CCDC30: variants seen among roughly 807,000 people sequenced by gnomAD.
The protein encoded by CCDC30 is coiled-coil domain-containing protein 30.
In CCDC30, 70 loss-of-function variants were observed where a neutral mutation model predicts 100.2. That is an observed-to-expected ratio of 0.70 (90% CI 0.58 to 0.85). The LOEUF (loss-of-function observed/expected upper bound fraction) is 0.85. Ranked by LOEUF, CCDC30 falls within the 40% of genes least tolerant of loss-of-function variation. The probability of loss-of-function intolerance (pLI) is 0.00; values close to 1 mark genes in which losing one functional copy is unlikely to be tolerated. For synonymous variants in CCDC30, 233 were observed against 269.5 expected (o/e 0.86, Z 1.33); for missense variants, 652 against 771.2 (o/e 0.85, Z 1.83).
intron 6 of CCDC30, among the ~76,000 whole-genome samples, chr1:42,557,290 T>C (rs532190691): frequency 4.6e-5 from 7 of 152,308 alleles, no homozygotes; most frequent in Non-Finnish European, 1.0e-4. Context: ...GGAAAATATT[T>C]ACCTGAAAGG....
chr1:42,568,488 A>G (rs2148568395), intron 7 of CCDC30, among the ~76,000 whole-genome samples: 1 of 152,328 alleles, frequency 6.6e-6, no homozygotes, highest in South Asian at 2.1e-4. Flanking sequence ...AAACTGTTCA[A>G]GATTGCAAAG....
intron 6 of CCDC30, 167 bp downstream of exon 7, chr1:42,536,768 T>A: frequency 1.8e-6 from 1 of 556,572 alleles, no homozygotes; most frequent in South Asian, 2.6e-5. Flanking sequence ...CTCACAGTTA[T>A]GGAGGAGGGG....
chr1:42,656,937 A>G (rs1570370152), downstream of CCDC30, among the ~76,000 whole-genome samples: 1 of 152,232 alleles, frequency 6.6e-6, no homozygotes, highest in East Asian at 1.9e-4. Context: ...GATTTATTCT[A>G]AAACAGTTGG....
chr1:42,598,335 A>G (rs1053451039), intron 10 of CCDC30, among the ~76,000 whole-genome samples: 6 of 150,594 alleles, frequency 4.0e-5, no homozygotes, highest in Non-Finnish European at 5.9e-5. Flanking sequence ...TGGGCAACAT[A>G]GTGATAACCT....
chr1:42,611,619 A>C (rs931312746), intron 11 of CCDC30, among the ~76,000 whole-genome samples: 4 of 149,648 alleles, frequency 2.7e-5, no homozygotes, highest in African/African-American at 7.3e-5. Context: ...GTAAAATGAC[A>C]TTTGGTTTTT....
Position 42,611,894 on chromosome 1 carries a change from A to G in CCDC30, c.1277+804A>G, listed in dbSNP as rs116383950. ...GGGTCTCACTATGTTGCCTCAAGTG[A>G]TCCTCCTTCCTTGGCCTCCCAAAAT... On this transcript the variant is annotated intron_variant, in intron 11 of 16. Coordinates refer to ENST00000668663, the Ensembl canonical transcript of CCDC30. 8.3e-3 allele frequency among the ~76,000 whole-genome samples: 1,266 copies of G among 152,092 alleles called. 11 individuals carry two copies. Among genetic ancestry groups the G allele is most frequent in the Non-Finnish European group, 0.013 (909 of 67,994 alleles).
chr1:42,565,591 G>A (rs1645588675), intron 6 of CCDC30, among the ~76,000 whole-genome samples: 1 of 152,194 alleles, frequency 6.6e-6, no homozygotes, highest in Non-Finnish European at 1.5e-5. Context: ...GGGTGGGAAT[G>A]TAAATTAGTA....
At chr1:42,546,421 T>A (rs868606235) in intron 6 of CCDC30, among the ~76,000 whole-genome samples, 46,132 of 91,280 alleles carry the variant, frequency 0.51, 13,907 homozygotes, top group Admixed American at 0.56. Flanking sequence ...TATATATATA[T>A]ATATATATAT....
intron 9 of CCDC30, among the ~76,000 whole-genome samples, chr1:42,583,991 T>C (rs952488590): frequency 1.3e-5 from 2 of 152,056 alleles, no homozygotes; most frequent in African/African-American, 4.8e-5. Context: ...GCCCAGGAGA[T>C]GGAAAAGGTG....
chr1:42,584,623 G>T (rs953857466), intron 9 of CCDC30, among the ~76,000 whole-genome samples: 1 of 152,006 alleles, frequency 6.6e-6, no homozygotes, highest in African/African-American at 2.4e-5. Context: ...AGAAAGTTTC[G>T]CTGTTATTAT....
chr1:42,579,325 C>T (rs573694710), intron 8 of CCDC30, among the ~76,000 whole-genome samples: 115 of 151,328 alleles, frequency 7.6e-4, no homozygotes, highest in Non-Finnish European at 1.1e-3. Context: ...AGAGGCGAGG[C>T]GAGGCAAGTG....
In CCDC30 at chr1:42,611,170, G is replaced by T. The variant is rs947066354; in HGVS notation, c.1277+80G>T. The T allele has an allele frequency of 4.5e-5, 35 of 784,012 alleles. No homozygotes were observed. In the East Asian group the frequency reaches 9.4e-4, roughly 21 times the overall value. The allele number at this position is 784,012 out of a possible 1,614,324, so 48.6% of individuals were successfully genotyped here. On this transcript the variant is annotated intron_variant, in intron 11 of 16. Transcript: ENST00000668663. ...GCTGAGCAGGCTCTAGGGCTAAATG[G>T]TGGGCTGCTCACTGAAGCAACCTTT...
At chr1:42,477,933 G>C (rs564853273) in intron 1 of CCDC30, among the ~76,000 whole-genome samples, 1 of 152,312 alleles carries the variant, frequency 6.6e-6, no homozygotes, top group East Asian at 1.9e-4. Context: ...GAACAGAGTT[G>C]ATAATACATA....
At chr1:42,552,941 G>A (rs564024716) in intron 6 of CCDC30, among the ~76,000 whole-genome samples, 9 of 152,172 alleles carry the variant, frequency 5.9e-5, no homozygotes, top group African/African-American at 2.2e-4. Flanking sequence ...ATTCGGCAGG[G>A]ATAAAAGTCC....
chr1:42,516,529 T>C (rs1451203981), intron 6 of CCDC30, among the ~76,000 whole-genome samples: 1 of 142,526 alleles, frequency 7.0e-6, no homozygotes, highest in Non-Finnish European at 1.5e-5. Context: ...ATTGCGCCAC[T>C]GCACTGCACT....
chr1:42,578,784 G>A (rs567918796), intron 8 of CCDC30, among the ~76,000 whole-genome samples: 1 of 152,276 alleles, frequency 6.6e-6, no homozygotes, highest in East Asian at 1.9e-4. Context: ...TAATATCATT[G>A]TTCCGAATAA....
chr1:42,510,365 T>C, intron 6 of CCDC30, among the ~76,000 whole-genome samples: 1 of 152,112 alleles, frequency 6.6e-6, no homozygotes, highest in Non-Finnish European at 1.5e-5. Context: ...AACACTTGAG[T>C]TAAATTTTGG....
At chr1:42,501,951 G>T (rs975687141) in intron 6 of CCDC30, among the ~76,000 whole-genome samples, 4 of 152,188 alleles carry the variant, frequency 2.6e-5, no homozygotes, top group African/African-American at 9.7e-5. Flanking sequence ...CTCAAACTCC[G>T]TGCTGGGAGA....
intron 9 of CCDC30, among the ~76,000 whole-genome samples, chr1:42,587,723 T>G (rs572453974): frequency 6.6e-6 from 1 of 152,366 alleles, no homozygotes; most frequent in South Asian, 2.1e-4. Context: ...TGCCCTAGCA[T>G]GCAGGTGAGA....
Sources: allele counts gnomAD v4.1 joint callset (sites outside exome capture counted in the v4.1 genomes callset), GRCh38; gene constraint gnomAD v4.1.1; transcripts MANE v1.5; gene names NCBI Gene and HGNC (gene_info 2026-07-23, HGNC 2026-07-21).